Variants in MND1 observed in about 807,000 individuals in gnomAD.
The protein encoded by MND1 is meiotic nuclear division protein 1 homolog.
A neutral mutation model predicts 35.1 loss-of-function variants in MND1; 28 were observed. The ratio of observed to expected loss-of-function variants is 0.80; its 90% CI spans 0.59 to 1.09. The LOEUF (loss-of-function observed/expected upper bound fraction) is 1.09. Among genes scored for constraint, MND1 ranks in the 50% least tolerant of loss-of-function variants. The pLI, the probability that MND1 is intolerant of heterozygous loss-of-function variation, is 0.00. For missense variants in MND1, 213 were observed against 239.6 expected (o/e 0.89, Z 0.73); for synonymous variants, 69 against 70.5 (o/e 0.98, Z 0.11).
At position 153,344,695 on chromosome 4, in the gene MND1, C is replaced by T; in HGVS notation, c.-43C>T. ...CGTCCTGGCCTGTCCCGCCCCTCTC[C>T]CCAAGCGCGGGCCCGGCCAGCGGAA... On this transcript the variant is annotated 5_prime_UTR_variant, in exon 1 of 8. Coordinates refer to ENST00000240488, the MANE Select transcript of MND1 (RefSeq NM_032117.4). 1.3e-6 allele frequency: 2 copies of T among 1,566,038 alleles called. No homozygotes were observed. Among genetic ancestry groups the T allele is most frequent in the Non-Finnish European group, 1.7e-6 (2 of 1,156,514 alleles).
At chr4:153,372,734 C>T (rs1017925866) in intron 4 of MND1, among the ~76,000 whole-genome samples, 1 of 152,142 alleles carries the variant, frequency 6.6e-6, no homozygotes, top group African/African-American at 2.4e-5. Context: ...CTTTCCCCCA[C>T]CCCCAGCTTC....
intron 4 of MND1, among the ~76,000 whole-genome samples, chr4:153,373,230 A>G (rs1773834918): frequency 6.6e-6 from 1 of 152,064 alleles, no homozygotes. Flanking sequence ...TCTTATCTCA[A>G]CTAGTCTCAA....
At chr4:153,409,096 C>A in intron 7 of MND1, 81 bp downstream of exon 7, 2 of 792,446 alleles carry the variant, frequency 2.5e-6, no homozygotes, top group Non-Finnish European at 3.6e-6. Context: ...ATACCTTGTG[C>A]TAGCTTTGTT....
At chr4:153,399,956 C>T (rs1256997936) in intron 6 of MND1, among the ~76,000 whole-genome samples, 1 of 123,402 alleles carries the variant, frequency 8.1e-6, no homozygotes, top group Non-Finnish European at 1.6e-5. Flanking sequence ...GACTGAAGTG[C>T]AGTGCATGAT....
At chr4:153,364,083 A>G (rs74743742) in intron 4 of MND1, among the ~76,000 whole-genome samples, 1 of 151,910 alleles carries the variant, frequency 6.6e-6, no homozygotes. Context: ...ATAATAATAA[A>G]TTTTTTTCAA....
intron 5 of MND1, 56 bp from the exon 6 acceptor site, chr4:153,397,163 T>TA (rs1331676186): frequency 1.6e-6 from 2 of 1,225,200 alleles, no homozygotes; most frequent in Non-Finnish European, 2.3e-6. Context: ...TGTATTACCT[T>TA]ACAACATATA....
At chr4:153,356,585 TA>T (rs1284753663) in intron 3 of MND1, among the ~76,000 whole-genome samples, 2 of 145,024 alleles carry the variant, frequency 1.4e-5, no homozygotes, top group Non-Finnish European at 3.0e-5. Flanking sequence ...AAGATATGTA[TA>T]AATCTGAAGT....
At chr4:153,347,194 A>G (rs1175952679) in intron 1 of MND1, among the ~76,000 whole-genome samples, 1 of 152,190 alleles carries the variant, frequency 6.6e-6, no homozygotes, top group Non-Finnish European at 1.5e-5. Context: ...TCTAACTGTT[A>G]TGAATTTCAT....
intron 2 of MND1, among the ~76,000 whole-genome samples, chr4:153,353,433 A>G (rs1181340941): frequency 7.8e-6 from 1 of 128,652 alleles, no homozygotes; most frequent in African/African-American, 2.8e-5. Context: ...ATATATATAT[A>G]TATATATATA....
chr4:153,349,244 C>T (rs572544603), intron 1 of MND1, among the ~76,000 whole-genome samples: 9 of 152,144 alleles, frequency 5.9e-5, no homozygotes, highest in Non-Finnish European at 8.8e-5. Context: ...GTCTTAATTT[C>T]AAGTTGGCTA....
At chr4:153,411,591 A>G (rs1295052734) in intron 7 of MND1, among the ~76,000 whole-genome samples, 2 of 152,080 alleles carry the variant, frequency 1.3e-5, no homozygotes, top group Non-Finnish European at 2.9e-5. Flanking sequence ...TTAACCTTTA[A>G]ATGTTTATAA....
At chr4:153,348,963 A>G (rs1245942544) in intron 1 of MND1, among the ~76,000 whole-genome samples, 1 of 152,182 alleles carries the variant, frequency 6.6e-6, no homozygotes, top group Non-Finnish European at 1.5e-5. Flanking sequence ...CTGTTGTTTT[A>G]TGTCTGCTTT....
chr4:153,394,071 T>C (rs1183559472), intron 4 of MND1, among the ~76,000 whole-genome samples, 191 bp from the exon 5 acceptor site: 1 of 151,888 alleles, frequency 6.6e-6, no homozygotes, highest in African/African-American at 2.4e-5. Flanking sequence ...CTCATTTTTG[T>C]ATTTTTAGTA....
intron 2 of MND1, among the ~76,000 whole-genome samples, chr4:153,350,950 G>GT (rs1773199118): frequency 2.8e-5 from 2 of 72,314 alleles, no homozygotes; most frequent in South Asian, 4.6e-4. Flanking sequence ...CAGATTCTTA[G>GT]TAAAAAAAAA....
intron 4 of MND1, among the ~76,000 whole-genome samples, chr4:153,388,643 CAA>C (rs1461429128): frequency 3.9e-5 from 6 of 152,102 alleles, no homozygotes; most frequent in African/African-American, 1.4e-4. Context: ...AATTGTGACA[CAA>C]GATTTTTCCC....
At chr4:153,349,030 G>T (rs1773143290) in intron 1 of MND1, among the ~76,000 whole-genome samples, 2 of 150,624 alleles carry the variant, frequency 1.3e-5, no homozygotes, top group African/African-American at 4.9e-5. Flanking sequence ...GAAAGATGCA[G>T]ATCACATAAG....
chr4:153,387,986 A>T (rs184800011), intron 4 of MND1, among the ~76,000 whole-genome samples: 2 of 152,100 alleles, frequency 1.3e-5, no homozygotes, highest in East Asian at 1.9e-4. Flanking sequence ...ATGCTTCGAC[A>T]TTTTTTTAAT....
intron 4 of MND1, among the ~76,000 whole-genome samples, chr4:153,391,847 C>T (rs571224267): frequency 6.6e-6 from 1 of 151,936 alleles, no homozygotes; most frequent in South Asian, 2.1e-4. Flanking sequence ...TGGTGTCTGC[C>T]TGGCATTATC....
At chr4:153,365,391 TAAC>T (rs1489111432) in intron 4 of MND1, among the ~76,000 whole-genome samples, 2 of 152,090 alleles carry the variant, frequency 1.3e-5, no homozygotes, top group African/African-American at 2.4e-5. Flanking sequence ...GGAGTCAAAA[TAAC>T]AACAAATTTA....
Sources: gnomAD v4.1 joint callset for allele counts (sites outside exome capture counted in the v4.1 genomes callset) on GRCh38, gnomAD v4.1.1 for gene constraint, MANE v1.5 for transcripts, NCBI Gene and HGNC (gene_info 2026-07-23, HGNC 2026-07-21) for gene names.